The following GABRR1 variants were observed in gnomAD, a reference collection of about 807,000 sequenced individuals.
GABRR1 encodes gamma-aminobutyric acid receptor subunit rho-1.
Under a neutral mutation model 55.5 loss-of-function variants are expected in GABRR1, and 59 were observed. The observed-to-expected ratio is 1.06, with a 90% CI of 0.86 to 1.32. The LOEUF is 1.32. GABRR1 is among the 40% of genes most tolerant of loss of function. The probability of loss-of-function intolerance (pLI) is 0.00; values close to 1 mark genes in which losing one functional copy is unlikely to be tolerated. For synonymous variants in GABRR1, 213 were observed against 226.0 expected, an observed-to-expected ratio of 0.94 and a Z score of 0.51; for missense variants, 602 against 619.1, an observed-to-expected ratio of 0.97 and a Z score of 0.29.
chr6:89,219,913 T>C (rs917421914), upstream of GABRR1, among the ~76,000 whole-genome samples: 1 of 152,236 alleles, frequency 6.6e-6, no homozygotes, highest in African/African-American at 2.4e-5. Context: ...TAAATCATCC[T>C]TTAACGTGCT....
chr6:89,217,453 C>T, upstream of GABRR1: 1 of 1,035,490 alleles, frequency 9.7e-7, no homozygotes. Context: ...AAAATCAACC[C>T]ACAGGATGCA....
intron 1 of GABRR1, among the ~76,000 whole-genome samples, chr6:89,213,044 G>C (rs937029097): frequency 6.6e-6 from 1 of 152,182 alleles, no homozygotes; most frequent in Non-Finnish European, 1.5e-5. Context: ...TGCATGATTG[G>C]TGAAGATGGG....
At chr6:89,205,302 T>A (rs928823107) in intron 1 of GABRR1, among the ~76,000 whole-genome samples, 1 of 152,150 alleles carries the variant, frequency 6.6e-6, no homozygotes, top group East Asian at 1.9e-4. Context: ...TGCCAGGAAA[T>A]TGGCTTAGAT....
intron 7 of GABRR1, among the ~76,000 whole-genome samples, 157 bp from the exon 8 acceptor site, chr6:89,182,214 T>C (rs944821201): frequency 6.6e-5 from 10 of 152,232 alleles, no homozygotes; most frequent in Non-Finnish European, 1.3e-4. Flanking sequence ...AGTGATTATA[T>C]AGTAATACAT....
At chr6:89,226,645 C>A (rs1773208013) in intron 1 of GABRR1, among the ~76,000 whole-genome samples, 1 of 101,026 alleles carries the variant, frequency 9.9e-6, no homozygotes. Context: ...GGTACCAGTA[C>A]CATGCTGTTT....
chr6:89,192,580 T>C (rs555853128), intron 5 of GABRR1, among the ~76,000 whole-genome samples: 3 of 150,622 alleles, frequency 2.0e-5, no homozygotes, highest in Non-Finnish European at 4.4e-5. Context: ...TTTTTTTTTT[T>C]TTGAGACAGT....
At chr6:89,179,151 C>T in intron 9 of GABRR1, 88 bp from the exon 10 acceptor site, 12 of 1,346,612 alleles carry the variant, frequency 8.9e-6, no homozygotes, top group Non-Finnish European at 1.2e-5. Context: ...GAGGGTGTTG[C>T]CTGGTTTCTG....
chr6:89,201,316 T>C (rs374008877), intron 2 of GABRR1, 51 bp from the exon 3 acceptor site: 2 of 1,251,224 alleles, frequency 1.6e-6, no homozygotes, highest in Admixed American at 1.7e-5. Context: ...CCAAGACAAA[T>C]AAACAGTAAC....
chr6:89,223,673 T>C (rs1006483578), intron 1 of GABRR1, among the ~76,000 whole-genome samples: 7 of 152,070 alleles, frequency 4.6e-5, no homozygotes, highest in African/African-American at 1.4e-4. Flanking sequence ...ATCAGCAGTG[T>C]AGAAGTGGTT....
intron 1 of GABRR1, among the ~76,000 whole-genome samples, chr6:89,208,538 G>C (rs956109458): frequency 1.8e-4 from 28 of 152,220 alleles, no homozygotes. Context: ...TTTAAGTAAA[G>C]CAGATACCCT....
At chr6:89,229,648 G>A (rs1394302413) in intron 1 of GABRR1, among the ~76,000 whole-genome samples, 19 of 106,602 alleles carry the variant, frequency 1.8e-4, no homozygotes, top group Non-Finnish European at 3.8e-4. Context: ...AGTCTGATGG[G>A]CTTCCCTTTG....
chr6:89,181,676 A>C (rs1054786818), intron 8 of GABRR1, among the ~76,000 whole-genome samples: 1 of 152,178 alleles, frequency 6.6e-6, no homozygotes, highest in Non-Finnish European at 1.5e-5. Flanking sequence ...CTTCGACAAG[A>C]CTAAAGGTGG....
chr6:89,212,815 C>T (rs948142055), intron 1 of GABRR1, among the ~76,000 whole-genome samples: 3 of 152,096 alleles, frequency 2.0e-5, no homozygotes, highest in African/African-American at 7.2e-5. Flanking sequence ...ACTACAGGCA[C>T]ACCTCACCGT....
intron 5 of GABRR1, among the ~76,000 whole-genome samples, chr6:89,196,871 GAA>G (rs1357179659): frequency 3.9e-5 from 5 of 129,734 alleles, no homozygotes; most frequent in South Asian, 2.5e-4. Flanking sequence ...AAGAAAGAAA[GAA>G]AGAAAGAGAA....
chr6:89,217,120 G>T, intron 1 of GABRR1, 81 bp downstream of exon 1: 1 of 1,469,628 alleles, frequency 6.8e-7, no homozygotes, highest in Non-Finnish European at 9.3e-7. Flanking sequence ...TGGAAATGAT[G>T]CTCAGTTTCT....
intron 5 of GABRR1, among the ~76,000 whole-genome samples, chr6:89,191,224 T>G (rs3777536): frequency 0.16 from 23,725 of 152,194 alleles, 2,264 homozygotes; most frequent in Admixed American, 0.24. Flanking sequence ...CATTTTTGAT[T>G]GCCAGCAGCT....
At chr6:89,201,310 G>C (rs750005558) in intron 2 of GABRR1, 45 bp from the exon 3 acceptor site, 1 of 1,318,258 alleles carries the variant, frequency 7.6e-7, no homozygotes, top group South Asian at 1.2e-5. Flanking sequence ...TTCCAACCAA[G>C]ACAAATAAAC....
chr6:89,217,436 CA>C (rs34012805), upstream of GABRR1: 393,705 of 1,108,440 alleles, frequency 0.36, 66,678 homozygotes, highest in African/African-American at 0.47. Flanking sequence ...TTTACTCATG[CA>C]AAAAAAAAAT....
intron 1 of GABRR1, among the ~76,000 whole-genome samples, 190 bp downstream of exon 1, chr6:89,217,011 C>T (rs1040045461): frequency 6.6e-6 from 1 of 152,112 alleles, no homozygotes. Flanking sequence ...AATCTAGCAT[C>T]ATTTTAAAAG....
Sources: allele counts gnomAD v4.1 joint callset (sites outside exome capture counted in the v4.1 genomes callset), GRCh38; gene constraint gnomAD v4.1.1; transcripts MANE v1.5; gene names NCBI Gene and HGNC (gene_info 2026-07-23, HGNC 2026-07-21).